The following MELK variants were observed in gnomAD, a reference collection of about 807,000 sequenced individuals.
MELK encodes pEg3 kinase.
Under a neutral mutation model 85.0 loss-of-function variants are expected in MELK, and 81 were observed. The ratio of observed to expected loss-of-function variants is 0.95; its 90% CI spans 0.80 to 1.15. MELK has a LOEUF of 1.15. Among genes scored for constraint, MELK ranks in the 50% most tolerant of loss-of-function variants. The pLI is 0.00. For missense variants in MELK, 754 were observed against 777.5 expected (o/e 0.97, Z 0.36); for synonymous variants, 252 against 265.0 (o/e 0.95, Z 0.48).
rs1035556541 is a variant in MELK, at chr9:36,597,261, A to C, written c.445A>C (p.Ile149Leu). ...TGATGAATATCATAAATTAAAGCTG[A>C]TTGACTTTGGTCTCTGTGCAAAACC... ...LFDEYHKLKL[I>L]DFGLCAKPKG... The change falls in exon 6 of 18, where the codon ATT becomes CTT. Residue 149 changes from isoleucine to leucine, a missense_variant. Coordinates refer to ENST00000298048, the MANE Select transcript of MELK (RefSeq NM_014791.4). 3 of 1,613,886 alleles carry C rather than the reference A, an allele frequency of 1.9e-6. No individual in the cohort carries two copies. In the South Asian group the frequency reaches 3.3e-5, roughly 18 times the overall value.
At chr9:36,576,456 G>C (rs1821654853) in intron 1 of MELK, among the ~76,000 whole-genome samples, 1 of 152,092 alleles carries the variant, frequency 6.6e-6, no homozygotes, top group South Asian at 2.1e-4. Context: ...TTTTAAAGCT[G>C]ATTTAATTTT....
chr9:36,607,304 TTC>T (rs2135828919), intron 7 of MELK, among the ~76,000 whole-genome samples: 2 of 152,316 alleles, frequency 1.3e-5, no homozygotes, highest in South Asian at 2.1e-4. Context: ...GGAAATTATT[TTC>T]TGTTAAGTGT....
intron 3 of MELK, among the ~76,000 whole-genome samples, chr9:36,585,464 G>A (rs2135161705): frequency 6.6e-6 from 1 of 151,868 alleles, no homozygotes; most frequent in South Asian, 2.1e-4. Flanking sequence ...GTGCCACCAT[G>A]TCCAGCTAAT....
At chr9:36,616,274 TG>T (rs1180779666) in intron 8 of MELK, among the ~76,000 whole-genome samples, 1 of 152,080 alleles carries the variant, frequency 6.6e-6, no homozygotes, top group East Asian at 1.9e-4. Flanking sequence ...TAGAACAGTC[TG>T]GATGTCTTTT....
At position 36,643,014 on chromosome 9, in the gene MELK, T is replaced by A. The variant is rs1319501930; in HGVS notation, c.852T>A (p.Asp284Glu). ...QSKNPFIHLD[D>E]DCVTELSVHH... ...TTTTGTAGTTTATTCACCTCGATGA[T>A]GATTGCGTAACAGAACTTTCTGTAC... The change falls in exon 11 of 18, where the codon GAT becomes GAA. Residue 284 changes from aspartate (D) to glutamate (E), a missense_variant. Physicochemically the swap from Asp to Glu is conservative, Grantham distance 45. Transcript: ENST00000298048. 1 of 1,609,976 alleles carries A rather than the reference T, an allele frequency of 6.2e-7. No homozygotes were observed. The highest frequency in any genetic ancestry group is 2.2e-5 in the East Asian group (1 of 44,742).
chr9:36,648,836 G>A (rs766224342), intron 11 of MELK, among the ~76,000 whole-genome samples: 7 of 152,092 alleles, frequency 4.6e-5, no homozygotes, highest in East Asian at 3.9e-4. Context: ...GCTGTGTAAC[G>A]TAATTCTTCA....
At chr9:36,660,751 G>T (rs981899749) in intron 13 of MELK, among the ~76,000 whole-genome samples, 6 of 151,958 alleles carry the variant, frequency 3.9e-5, no homozygotes, top group Admixed American at 2.6e-4. Flanking sequence ...CAGCACTTTG[G>T]GGGGCTGAGG....
chr9:36,574,458 C>T (rs538423668), intron 1 of MELK, among the ~76,000 whole-genome samples: 2 of 149,044 alleles, frequency 1.3e-5, no homozygotes, highest in East Asian at 3.9e-4. Flanking sequence ...AAAAAATTAA[C>T]CGGGCATGGT....
At chr9:36,675,001 G>T in intron 17 of MELK, 64 bp downstream of exon 17, 2 of 1,273,844 alleles carry the variant, frequency 1.6e-6, no homozygotes, top group Non-Finnish European at 1.1e-6. Flanking sequence ...GAAAATAGGA[G>T]TTGGTTGGGC....
At position 36,633,171 on chromosome 9, in the gene MELK, T is replaced by C; in HGVS notation, c.805T>C (p.Tyr269His). The C allele has an allele frequency of 6.2e-7, 1 of 1,601,220 alleles. No individual in the cohort carries two copies. Among genetic ancestry groups the C allele is most frequent in the African/African-American group, 1.3e-5 (1 of 74,324 alleles). ...NHPWIMQDYN[Y>H]PVEWQSKNPF... is the part of the protein sequence containing the mutation. ...TCCCTGGATCATGCAAGATTACAAC[T>C]ATCCTGTTGAGTGGCAAAGCAAGAA... The change falls in exon 10 of 18, where the codon TAT becomes CAT. Residue 269 changes from tyrosine (Y) to histidine (H), a missense_variant. Tyr to His is a moderately conservative substitution (Grantham distance 83). Transcript: ENST00000298048.
intron 13 of MELK, among the ~76,000 whole-genome samples, chr9:36,662,221 G>T (rs191139054): frequency 6.7e-6 from 1 of 148,776 alleles, no homozygotes; most frequent in Non-Finnish European, 1.5e-5. Context: ...TTAATTTAAC[G>T]AAATATAAAG....
intron 13 of MELK, among the ~76,000 whole-genome samples, chr9:36,664,761 G>C (rs959473921): frequency 2.0e-5 from 3 of 152,128 alleles, no homozygotes; most frequent in Non-Finnish European, 4.4e-5. Context: ...CAAGGCTTCT[G>C]TGGCTGTAGA....
chr9:36,574,600 C>G (rs998188605), intron 1 of MELK, among the ~76,000 whole-genome samples: 5 of 152,034 alleles, frequency 3.3e-5, no homozygotes, highest in African/African-American at 9.7e-5. Context: ...GAGACCCTGT[C>G]TCAAGCAAAT....
intron 12 of MELK, among the ~76,000 whole-genome samples, chr9:36,656,021 A>G (rs1831207564): frequency 6.6e-6 from 1 of 152,220 alleles, no homozygotes; most frequent in East Asian, 1.9e-4. Context: ...AAAGGAAGGA[A>G]GGAGAAATAA....
chr9:36,652,876 C>T (rs10121941), intron 12 of MELK, among the ~76,000 whole-genome samples: 137,331 of 152,140 alleles, frequency 0.9, 62,034 homozygotes, highest in Admixed American at 0.92. Flanking sequence ...TACTTTTACA[C>T]GCATTCAAGT....
intron 6 of MELK, among the ~76,000 whole-genome samples, chr9:36,599,125 G>C (rs1386038387): frequency 1.3e-5 from 2 of 152,056 alleles, no homozygotes; most frequent in African/African-American, 4.8e-5. Flanking sequence ...GCAAAACCCC[G>C]TCTATACCAA....
intron 6 of MELK, among the ~76,000 whole-genome samples, chr9:36,597,856 CTT>C (rs1294377433): frequency 1.3e-5 from 2 of 152,142 alleles, no homozygotes; most frequent in African/African-American, 4.8e-5. Context: ...TTTGAGGTGA[CTT>C]TGAACTTTCT....
rs1380645776 is a variant in MELK, at chr9:36,662,271, C to T, written c.1177-3079C>T. 7.2e-5 allele frequency among the ~76,000 whole-genome samples: 10 copies of T among 138,480 alleles called. No homozygotes were observed. In the East Asian group the frequency reaches 1.3e-3, roughly 18 times the overall value. The allele number at this position is 138,480 out of a possible 152,430, so 90.8% of individuals were successfully genotyped here. A position where few individuals can be genotyped will look rare whatever the true frequency, so the allele number is the denominator to read the frequency against. ...TTTTTTTTTTTTTTTAAGATGGAAT[C>T]TTGCTCTGTTGCCCAGGCTTGAGTG... On this transcript the variant is annotated intron_variant, in intron 13 of 17. Coordinates refer to ENST00000298048, the MANE Select transcript of MELK (RefSeq NM_014791.4).
chr9:36,573,075 C>G (rs1266166040), intron 1 of MELK, 68 bp downstream of exon 1: 1 of 152,358 alleles, frequency 6.6e-6, no homozygotes, highest in Admixed American at 6.5e-5. Context: ...CGGGGCGCAG[C>G]GGCCCAAACC....
Sources: gnomAD v4.1 joint callset for allele counts (sites outside exome capture counted in the v4.1 genomes callset) on GRCh38, gnomAD v4.1.1 for gene constraint, MANE v1.5 for transcripts, NCBI Gene and HGNC (gene_info 2026-07-23, HGNC 2026-07-21) for gene names.